Variants in PARD3B observed in about 807,000 individuals in gnomAD.
The protein encoded by PARD3B is partitioning defective 3 homolog B.
A neutral mutation model predicts 130.2 loss-of-function variants in PARD3B; 103 were observed. The observed-to-expected ratio is 0.79, with a 90% confidence interval of 0.67 to 0.93. The LOEUF is 0.93. PARD3B is among the 40% of genes least tolerant of loss of function. The pLI is 0.00. For missense variants in PARD3B, 1,609 were observed against 1,499.2 expected, an observed-to-expected ratio of 1.07 and a Z score of -1.21; for synonymous variants, 583 against 553.2, an observed-to-expected ratio of 1.05 and a Z score of -0.76.
At chr2:204,590,614 T>A (rs983564338) in intron 1 of PARD3B, among the ~76,000 whole-genome samples, 1 of 152,166 alleles carries the variant, frequency 6.6e-6, no homozygotes, top group Non-Finnish European at 1.5e-5. Context: ...CCTCTTTGTC[T>A]TGTGTCTGTT....
intron 18 of PARD3B, among the ~76,000 whole-genome samples, chr2:205,360,718 G>C (rs929578586): frequency 6.6e-6 from 1 of 152,140 alleles, no homozygotes; most frequent in African/African-American, 2.4e-5. Context: ...TGAATCCCAG[G>C]TCTGTGACAC....
intron 22 of PARD3B, among the ~76,000 whole-genome samples, chr2:205,573,551 A>C (rs1415379173): frequency 6.6e-6 from 1 of 152,216 alleles, no homozygotes; most frequent in Non-Finnish European, 1.5e-5. Context: ...CTGAGATTTT[A>C]AGACTACATA....
chr2:204,830,425 T>C (rs539761195), intron 2 of PARD3B, among the ~76,000 whole-genome samples: 7 of 152,228 alleles, frequency 4.6e-5, no homozygotes, highest in Non-Finnish European at 7.3e-5. Context: ...TATTTAGCTA[T>C]ATTAAGATAC....
chr2:205,335,677 T>G (rs2105789600), intron 18 of PARD3B, among the ~76,000 whole-genome samples: 1 of 151,866 alleles, frequency 6.6e-6, no homozygotes, highest in South Asian at 2.1e-4. Context: ...CTTACAGTTC[T>G]ACGTGGCTGG....
At chr2:204,896,799 C>T (rs1019617129) in intron 2 of PARD3B, among the ~76,000 whole-genome samples, 12 of 152,174 alleles carry the variant, frequency 7.9e-5, no homozygotes, top group African/African-American at 2.9e-4. Context: ...CCATTGTTAA[C>T]TTCCTTATTC....
At chr2:205,215,376 C>A (rs1232271190) in intron 15 of PARD3B, among the ~76,000 whole-genome samples, 1 of 151,462 alleles carries the variant, frequency 6.6e-6, no homozygotes, top group South Asian at 2.1e-4. Context: ...TTAATAATCG[C>A]TCCCTATTAT....
intron 2 of PARD3B, among the ~76,000 whole-genome samples, chr2:204,797,174 CAAAA>C (rs1162381095): frequency 9.4e-5 from 5 of 53,024 alleles, no homozygotes; most frequent in Non-Finnish European, 1.2e-4. Context: ...GACTCTGTCT[CAAAA>C]AAAAAAAAAA....
chr2:204,828,338 C>T (rs1321512533), intron 2 of PARD3B, among the ~76,000 whole-genome samples: 1 of 152,114 alleles, frequency 6.6e-6, no homozygotes, highest in African/African-American at 2.4e-5. Flanking sequence ...TCTGGGAGTT[C>T]CCTGAGGCTC....
intron 15 of PARD3B, among the ~76,000 whole-genome samples, chr2:205,218,872 G>A (rs560494602): frequency 6.6e-6 from 1 of 152,242 alleles, no homozygotes; most frequent in South Asian, 2.1e-4. Context: ...CTGAGGTCAG[G>A]AATTCAAGAC....
intron 20 of PARD3B, among the ~76,000 whole-genome samples, chr2:205,443,944 G>C (rs1038167232): frequency 1.3e-5 from 2 of 152,090 alleles, no homozygotes; most frequent in Non-Finnish European, 2.9e-5. Flanking sequence ...TTGGAGACCA[G>C]CCTGAGCAAT....
intron 7 of PARD3B, among the ~76,000 whole-genome samples, chr2:205,119,841 A>G (rs780352531): frequency 1.3e-5 from 2 of 152,140 alleles, no homozygotes; most frequent in Non-Finnish European, 2.9e-5. Flanking sequence ...GCATGTGAAA[A>G]TGTTAAGGGA....
intron 13 of PARD3B, among the ~76,000 whole-genome samples, chr2:205,182,346 T>G (rs1248316903): frequency 6.6e-6 from 1 of 151,274 alleles, no homozygotes; most frequent in Non-Finnish European, 1.5e-5. Context: ...ATAAGATACT[T>G]ACCTCAACAA....
chr2:205,393,289 A>T (rs1366268737), intron 18 of PARD3B, among the ~76,000 whole-genome samples: 1 of 152,180 alleles, frequency 6.6e-6, no homozygotes, highest in Non-Finnish European at 1.5e-5. Context: ...TGCTTGAACT[A>T]TTTCAAACTG....
At chr2:205,549,264 A>G (rs1410466624) in intron 21 of PARD3B, among the ~76,000 whole-genome samples, 1 of 152,170 alleles carries the variant, frequency 6.6e-6, no homozygotes, top group African/African-American at 2.4e-5. Flanking sequence ...GTCTCACCAT[A>G]TGATCCAGCA....
intron 20 of PARD3B, among the ~76,000 whole-genome samples, chr2:205,486,709 A>G (rs1308850370): frequency 6.6e-6 from 1 of 152,082 alleles, no homozygotes; most frequent in Admixed American, 6.6e-5. Flanking sequence ...CAGATCTCAT[A>G]ATAACTCAGT....
chr2:204,709,922 T>C (rs1486677432), intron 2 of PARD3B, among the ~76,000 whole-genome samples: 1 of 152,218 alleles, frequency 6.6e-6, no homozygotes, highest in African/African-American at 2.4e-5. Context: ...GGTTAGTGCA[T>C]TTTTAAAAGT....
chr2:205,482,209 G>A (rs2049264122), intron 20 of PARD3B, among the ~76,000 whole-genome samples: 1 of 152,204 alleles, frequency 6.6e-6, no homozygotes, highest in South Asian at 2.1e-4. Flanking sequence ...CCAAAGTTTA[G>A]AGAATCCTTT....
In PARD3B at chr2:205,616,841, A is replaced by T. The variant is rs1249310551; in HGVS notation, c.*1028A>T. ...CCATCTGCACTCGGGGACAGCGAGG[A>T]GCTGACCATGGCCTCTGATGACCAG... On this transcript the variant is annotated 3_prime_UTR_variant, in exon 23 of 23. Coordinates refer to ENST00000406610, the MANE Select transcript of PARD3B (RefSeq NM_001302769.2). 1 of 153,620 alleles carries T rather than the reference A, an allele frequency of 6.5e-6. No individual in the cohort carries two copies. Among genetic ancestry groups the T allele is most frequent in the Non-Finnish European group, 1.5e-5 (1 of 68,336 alleles). 9.5% of individuals were successfully genotyped at this position (153,620 alleles called of 1,614,324 possible). A position where few individuals can be genotyped will look rare whatever the true frequency, so the allele number is the denominator to read the frequency against.
intron 1 of PARD3B, among the ~76,000 whole-genome samples, chr2:204,554,242 C>T (rs2030756151): frequency 6.6e-6 from 1 of 152,016 alleles, no homozygotes; most frequent in African/African-American, 2.4e-5. Context: ...TAATGTGGTT[C>T]CAAATACCAC....
Sources: gnomAD v4.1 joint callset for allele counts (sites outside exome capture counted in the v4.1 genomes callset) on GRCh38, gnomAD v4.1.1 for gene constraint, MANE v1.5 for transcripts, NCBI Gene and HGNC (gene_info 2026-07-23, HGNC 2026-07-21) for gene names.